FGF12: variants seen among roughly 807,000 people sequenced by gnomAD.
FGF12 encodes fibroblast growth factor 12B.
In FGF12, 14 loss-of-function variants were observed where a neutral mutation model predicts 23.6. The observed-to-expected ratio is 0.59, with a 90% CI of 0.39 to 0.93. The LOEUF is 0.93. Ranked by LOEUF, FGF12 falls within the 40% of genes least tolerant of loss-of-function variation. FGF12 has a pLI of 0.00. For synonymous variants in FGF12, 62 were observed against 77.3 expected (o/e 0.80, Z 1.04); for missense variants, 175 against 217.8 (o/e 0.80, Z 1.24).
intron 2 of FGF12, among the ~76,000 whole-genome samples, chr3:192,465,144 T>A (rs968604203): frequency 1.3e-5 from 2 of 152,226 alleles, no homozygotes; most frequent in African/African-American, 4.8e-5. Context: ...TAAAAACTTA[T>A]AGAAGAATTT....
intron 4 of FGF12, among the ~76,000 whole-genome samples, chr3:192,251,165 TGATCAA>T (rs1337923255): frequency 6.6e-6 from 1 of 152,308 alleles, no homozygotes; most frequent in East Asian, 1.9e-4. Flanking sequence ...TTTTGTCTGT[TGATCAA>T]ATATTTCAGG....
intron 2 of FGF12, among the ~76,000 whole-genome samples, chr3:192,575,770 A>C (rs918666709): frequency 6.6e-6 from 1 of 150,852 alleles, no homozygotes; most frequent in African/African-American, 2.4e-5. Context: ...TGGCCTATTG[A>C]TAAACTTTTC....
intron 2 of FGF12, among the ~76,000 whole-genome samples, chr3:192,502,545 CAT>C (rs1392905525): frequency 5.9e-5 from 9 of 152,214 alleles, no homozygotes; most frequent in Non-Finnish European, 1.2e-4. Flanking sequence ...AACCCAAACA[CAT>C]AGAAATGTAC....
rs1258868236 is a variant in FGF12, at chr3:192,142,920, T to C, written c.*1089A>G. On this transcript the variant is annotated 3_prime_UTR_variant, in exon 6 of 6. Transcript: ENST00000445105. ...TCATGGCAGAGTTTAAAAAACAATA[T>C]AAGACTGTGGTAAGGTACAAACGCA... The C allele has an allele frequency of 2.0e-5, 3 of 152,038 alleles. No individual in the cohort carries two copies. The highest frequency in any genetic ancestry group is 7.2e-5 in the African/African-American group (3 of 41,414). The allele number at this position is 152,038 out of a possible 1,614,324, so 9.4% of individuals were successfully genotyped here.
intron 4 of FGF12, among the ~76,000 whole-genome samples, chr3:192,298,128 TTC>T (rs1426021955): frequency 4.6e-5 from 7 of 152,210 alleles, no homozygotes; most frequent in Admixed American, 4.6e-4. Context: ...AAAGCTAATG[TTC>T]TCTCAGCTTC....
At chr3:192,392,612 G>T (rs1720351581) in intron 2 of FGF12, among the ~76,000 whole-genome samples, 1 of 115,638 alleles carries the variant, frequency 8.6e-6, no homozygotes, top group Admixed American at 8.7e-5. Flanking sequence ...GAGAGAGAGA[G>T]AGAGAGAGAG....
rs1211690576 is a variant in FGF12, at chr3:192,336,787, A to C, written c.125-1323T>G. ...CTCTCAACCTACAATAGTAAGCTAA[A>C]CACACACACATGCAGACACACACAC... On this transcript the variant is annotated intron_variant, in intron 3 of 5. Coordinates refer to ENST00000445105, the MANE Select transcript of FGF12 (RefSeq NM_004113.6). The surrounding 1 kb of genome is among the most constrained non-coding windows in gnomAD (Gnocchi z 4.3). 6.6e-6 allele frequency among the ~76,000 whole-genome samples: 1 copy of C among 152,136 alleles called. No homozygotes were observed. The highest frequency in any genetic ancestry group is 1.5e-5 in the Non-Finnish European group (1 of 68,004).
chr3:192,285,317 G>A (rs1714388741), intron 4 of FGF12, among the ~76,000 whole-genome samples: 1 of 152,008 alleles, frequency 6.6e-6, no homozygotes, highest in African/African-American at 2.4e-5. Flanking sequence ...GGCCAAGCCA[G>A]TACTAAAATT....
At chr3:192,157,333 A>T (rs1387783196) in intron 5 of FGF12, among the ~76,000 whole-genome samples, 1 of 152,138 alleles carries the variant, frequency 6.6e-6, no homozygotes, top group Non-Finnish European at 1.5e-5. Context: ...ACCATAATAT[A>T]TTGACTCTGT....
rs62292960 is a variant in FGF12, at chr3:192,577,415, G to A, written c.13+149766C>T. ...TTATCTTCTAAATATTTGGCCCTTT[G>A]TATGTACTCGGTTCCAGCAGCAAAA... On this transcript the variant is annotated intron_variant, in intron 2 of 5. Transcript: ENST00000445105. 3.6e-3 allele frequency among the ~76,000 whole-genome samples: 554 copies of A among 152,168 alleles called. 1 individual carries two copies. The highest frequency in any genetic ancestry group is 0.01 in the Middle Eastern group (3 of 294).
chr3:192,523,854 G>T (rs951770667), intron 2 of FGF12, among the ~76,000 whole-genome samples: 17 of 152,178 alleles, frequency 1.1e-4, no homozygotes, highest in African/African-American at 4.1e-4. Flanking sequence ...GATGAGAAGA[G>T]TGATTCTGAT....
At chr3:192,329,330 AG>A (rs2108690005) in intron 4 of FGF12, among the ~76,000 whole-genome samples, 1 of 152,332 alleles carries the variant, frequency 6.6e-6, no homozygotes, top group South Asian at 2.1e-4. Flanking sequence ...GAAGAGAAAA[AG>A]GCAAATATAA....
At chr3:192,220,935 T>C (rs1158717407) in intron 4 of FGF12, among the ~76,000 whole-genome samples, 2 of 152,216 alleles carry the variant, frequency 1.3e-5, no homozygotes, top group African/African-American at 4.8e-5. Flanking sequence ...TTAGATGAAA[T>C]GAGACACAAA....
chr3:192,441,048 G>A (rs1241631134), intron 2 of FGF12, among the ~76,000 whole-genome samples: 9 of 152,142 alleles, frequency 5.9e-5, no homozygotes, highest in Middle Eastern at 3.2e-3. Context: ...TTTGGGCACC[G>A]GCAATGGTTT....
chr3:192,583,376 C>T (rs1257845303), intron 2 of FGF12, among the ~76,000 whole-genome samples: 1 of 152,134 alleles, frequency 6.6e-6, no homozygotes, highest in Non-Finnish European at 1.5e-5. Flanking sequence ...ATATGATGTT[C>T]TTCCTTTTCT....
intron 2 of FGF12, among the ~76,000 whole-genome samples, chr3:192,485,317 C>T (rs186970156): frequency 1.0e-3 from 152 of 152,248 alleles, no homozygotes; most frequent in African/African-American, 2.6e-3. Context: ...AAGATTAAAT[C>T]ACTGTGAATT....
intron 4 of FGF12, among the ~76,000 whole-genome samples, chr3:192,183,102 G>A (rs913382548): frequency 6.6e-5 from 10 of 152,190 alleles, no homozygotes; most frequent in African/African-American, 9.7e-5. Flanking sequence ...GGACTGGGAC[G>A]CAGCATGTGG....
At chr3:192,173,935 C>A (rs1715717107) in intron 4 of FGF12, among the ~76,000 whole-genome samples, 1 of 152,140 alleles carries the variant, frequency 6.6e-6, no homozygotes, top group Admixed American at 6.5e-5. Context: ...GTAACTAAAG[C>A]TCATGACAGC....
intron 4 of FGF12, among the ~76,000 whole-genome samples, chr3:192,269,967 T>A (rs1713329687): frequency 6.6e-6 from 1 of 152,200 alleles, no homozygotes; most frequent in South Asian, 2.1e-4. Flanking sequence ...CCATTCAGGT[T>A]AGTGGCAAGG....
Sources: allele counts gnomAD v4.1 joint callset (sites outside exome capture counted in the v4.1 genomes callset), GRCh38; gene constraint gnomAD v4.1.1; non-coding constraint Gnocchi (gnomAD v3.1); transcripts MANE v1.5; gene names NCBI Gene and HGNC (gene_info 2026-07-23, HGNC 2026-07-21).